RNF170: variants seen among roughly 807,000 people sequenced by gnomAD.
RNF170 encodes the protein ring finger protein 170, also known as E3 ubiquitin-protein ligase RNF170.
RNF170 carries 12 observed loss-of-function variants against 32.7 expected under a neutral mutation model. The observed-to-expected ratio is 0.37, with a 90% CI of 0.24 to 0.60. The LOEUF (loss-of-function observed/expected upper bound fraction) is 0.60. RNF170 is among the 20% of genes least tolerant of loss of function. The probability of loss-of-function intolerance (pLI) is 0.72; values close to 1 mark genes in which losing one functional copy is unlikely to be tolerated. For missense variants in RNF170, 212 were observed against 311.2 expected, an observed-to-expected ratio of 0.68 and a Z score of 2.40; for synonymous variants, 91 against 103.6, an observed-to-expected ratio of 0.88 and a Z score of 0.74.
intron 6 of RNF170, among the ~76,000 whole-genome samples, chr8:42,859,790 A>G (rs1803520240): frequency 6.6e-6 from 1 of 152,148 alleles, no homozygotes; most frequent in African/African-American, 2.4e-5. Context: ...CTGAAACTAC[A>G]GGTGCACACC....
At chr8:42,885,747 G>A (rs1805764674) in intron 2 of RNF170, among the ~76,000 whole-genome samples, 1 of 152,024 alleles carries the variant, frequency 6.6e-6, no homozygotes, top group Admixed American at 6.6e-5. Context: ...GGTCCTTTGT[G>A]TATTTTTATT....
intron 3 of RNF170, among the ~76,000 whole-genome samples, chr8:42,872,239 A>G (rs1035604714): frequency 1.3e-5 from 2 of 152,176 alleles, no homozygotes; most frequent in Admixed American, 6.5e-5. Context: ...CCATAGCTGA[A>G]CCCAGTCATG....
At chr8:42,852,707 G>A (rs190712266), downstream of RNF170, among the ~76,000 whole-genome samples, 169 of 152,264 alleles carry the variant, frequency 1.1e-3, 1 homozygote, top group Admixed American at 2.0e-3. Flanking sequence ...GAGCCACTGC[G>A]TCCAGCAGAA....
downstream of RNF170, among the ~76,000 whole-genome samples, chr8:42,851,547 AGAGT>A (rs1397178928): frequency 6.6e-6 from 1 of 150,630 alleles, no homozygotes; most frequent in African/African-American, 2.5e-5. Flanking sequence ...CCTGGGTGAC[AGAGT>A]GAGACTCCGT....
chr8:42,872,124 A>C (rs1392300156), intron 3 of RNF170, among the ~76,000 whole-genome samples: 1 of 152,112 alleles, frequency 6.6e-6, no homozygotes, highest in Non-Finnish European at 1.5e-5. Flanking sequence ...CGCCAGCCTT[A>C]TTTTCACTCT....
intron 6 of RNF170, among the ~76,000 whole-genome samples, chr8:42,857,298 T>C (rs1803313726): frequency 6.6e-6 from 1 of 152,242 alleles, no homozygotes; most frequent in African/African-American, 2.4e-5. Flanking sequence ...TGACTCCTTT[T>C]GGAACAATGC....
intron 3 of RNF170, among the ~76,000 whole-genome samples, chr8:42,873,247 T>C (rs925494833): frequency 3.3e-5 from 5 of 151,844 alleles, no homozygotes; most frequent in East Asian, 1.9e-4. Flanking sequence ...AGCTCAAAAG[T>C]TGGACAGCAG....
intron 6 of RNF170, among the ~76,000 whole-genome samples, chr8:42,858,943 G>T (rs1233698249): frequency 6.6e-6 from 1 of 152,194 alleles, no homozygotes; most frequent in Non-Finnish European, 1.5e-5. Context: ...ACCACTTTGG[G>T]AGGCCGAGGT....
In RNF170 at chr8:42,855,473, A is replaced by G. The variant is rs1318597271; in HGVS notation, c.*686T>C. The G allele has an allele frequency of 9.2e-7, 1 of 1,087,144 alleles. No individual in the cohort carries two copies. The highest frequency in any genetic ancestry group is 1.6e-5 in the African/African-American group (1 of 61,554). 67.3% of individuals were successfully genotyped at this position (1,087,144 alleles called of 1,614,324 possible). A position where few individuals can be genotyped will look rare whatever the true frequency, so the allele number is the denominator to read the frequency against. On this transcript the variant is annotated 3_prime_UTR_variant, in exon 7 of 7. Coordinates refer to ENST00000527424, the MANE Select transcript of RNF170 (RefSeq NM_030954.4). ...TGATCTACCCGCCTCAGCCTCCCAA[A>G]GTGCTAGGATTACAGGCGTGAGCCA...
At chr8:42,851,562 C>T (rs1309273392), downstream of RNF170, among the ~76,000 whole-genome samples, 3 of 134,172 alleles carry the variant, frequency 2.2e-5, no homozygotes, top group African/African-American at 9.1e-5. Flanking sequence ...GAGACTCCGT[C>T]TCAAAAAAAA....
At chr8:42,891,226 A>G (rs1806275255) in intron 1 of RNF170, among the ~76,000 whole-genome samples, 1 of 152,142 alleles carries the variant, frequency 6.6e-6, no homozygotes, top group Admixed American at 6.5e-5. Context: ...CGTTTTTAGA[A>G]CCTCCAAAGC....
rs371871139 is a variant in RNF170 at position 42,887,761 on chromosome 8, G to A, written c.104C>T (p.Ala35Val). 2.5e-6 allele frequency: 4 copies of A among 1,613,956 alleles called. No individual in the cohort carries two copies. In the African/African-American group the frequency reaches 4.0e-5, roughly 16 times the overall value. Residue 35 changes from alanine (A) to valine (V), a missense_variant, in exon 2 of 7, where the codon GCT (alanine) becomes GTT (valine). Transcript: ENST00000527424. Reference sequence around the variant, plus strand: ...TGCATATACCAGGGTAGCAATCAAAGCGAAACTGACCACAACTGCCACAAG... The same window carrying A: ...TGCATATACCAGGGTAGCAATCAAAACGAAACTGACCACAACTGCCACAAG... Reference protein sequence around the residue: ...QVLVAVVVSFALIATLVYALF... With the variant: ...QVLVAVVVSFVLIATLVYALF...
chr8:42,893,698 C>A (rs113902276), intron 1 of RNF170, among the ~76,000 whole-genome samples: 1,694 of 152,202 alleles, frequency 0.011, 29 homozygotes, highest in African/African-American at 0.038. Context: ...TATTAACAAC[C>A]GCCAAGGAAT....
chr8:42,857,595 T>C (rs1425523569), intron 6 of RNF170, among the ~76,000 whole-genome samples: 3 of 152,210 alleles, frequency 2.0e-5, no homozygotes, highest in African/African-American at 7.2e-5. Context: ...TACTCCAACT[T>C]TGAAGGAGGC....
intron 1 of RNF170, among the ~76,000 whole-genome samples, chr8:42,891,521 A>C (rs1197120311): frequency 6.6e-6 from 1 of 152,190 alleles, no homozygotes; most frequent in Non-Finnish European, 1.5e-5. Flanking sequence ...TAAAAAACGC[A>C]CCTTGACTAA....
At chr8:42,892,535 GTAGA>G (rs1362430835) in intron 1 of RNF170, among the ~76,000 whole-genome samples, 2 of 152,126 alleles carry the variant, frequency 1.3e-5, no homozygotes, top group Non-Finnish European at 1.5e-5. Flanking sequence ...TTTAGAATAT[GTAGA>G]TACTGTGCTC....
intron 2 of RNF170, among the ~76,000 whole-genome samples, chr8:42,883,992 G>A (rs1421951658): frequency 6.6e-6 from 1 of 152,134 alleles, no homozygotes; most frequent in African/African-American, 2.4e-5. Flanking sequence ...GTCACTGTAG[G>A]CTGAGTAAAA....
At chr8:42,850,942 G>A, downstream of RNF170, 3 of 1,551,688 alleles carry the variant, frequency 1.9e-6, no homozygotes, top group Non-Finnish European at 2.6e-6. Flanking sequence ...GTCCAGGCAT[G>A]CAACAGCCTC....
At position 42,873,974 on chromosome 8, in the gene RNF170, T is replaced by C. The variant is rs1281047737; in HGVS notation, c.170A>G (p.Gln57Arg). 6.2e-7 allele frequency: 1 copy of C among 1,602,082 alleles called. No homozygotes were observed. Among genetic ancestry groups the C allele is most frequent in the South Asian group, 1.1e-5 (1 of 90,842 alleles). Residue 57 changes from glutamine to arginine, a missense_variant, in exon 3 of 7, where the codon CAG becomes CGG. Physicochemically the swap from Gln to Arg is conservative, Grantham distance 43. Transcript: ENST00000527424. ...NVHQNIHPEN[Q>R]ELVRVLREQL... ...TTCTCGAAGTACCCTTACTAGCTCC[T>C]GGTTTTCTGGGTGAATGTTTTGATG... is the stretch of plus-strand genomic sequence containing the variant.
Sources: gnomAD v4.1 joint callset for allele counts (sites outside exome capture counted in the v4.1 genomes callset) on GRCh38, gnomAD v4.1.1 for gene constraint, MANE v1.5 for transcripts, NCBI Gene and HGNC (gene_info 2026-07-23, HGNC 2026-07-21) for gene names.